The following DDC variants were observed in gnomAD, a reference collection of about 807,000 sequenced individuals.
DDC encodes the protein aromatic-L-amino-acid decarboxylase.
A neutral mutation model predicts 60.0 loss-of-function variants in DDC; 43 were observed. The ratio of observed to expected loss-of-function variants is 0.72; its 90% CI spans 0.56 to 0.92. The LOEUF is 0.92. DDC is among the 40% of genes least tolerant of loss of function. DDC has a pLI of 0.00. For missense variants in DDC, 573 were observed against 620.2 expected (o/e 0.92, Z 0.81); for synonymous variants, 232 against 234.6 (o/e 0.99, Z 0.10).
intron 14 of DDC, among the ~76,000 whole-genome samples, chr7:50,461,077 T>A (rs141902723): frequency 0.021 from 3,198 of 151,566 alleles, 124 homozygotes; most frequent in African/African-American, 0.071. Context: ...AAATAAAAAT[T>A]AAAAAAATAA....
intron 1 of DDC, among the ~76,000 whole-genome samples, chr7:50,548,761 A>G (rs1008444942): frequency 2.2e-4 from 33 of 152,216 alleles, no homozygotes; most frequent in Non-Finnish European, 3.7e-4. Flanking sequence ...GCTACGGTAA[A>G]CCATAGATTT....
intron 6 of DDC, among the ~76,000 whole-genome samples, chr7:50,516,227 T>G (rs2043724906): frequency 1.3e-5 from 2 of 152,128 alleles, no homozygotes; most frequent in African/African-American, 4.8e-5. Flanking sequence ...TATCAGGCAC[T>G]CTCTCAGACC....
intron 14 of DDC, among the ~76,000 whole-genome samples, chr7:50,460,960 A>T (rs922624805): frequency 6.6e-6 from 1 of 151,588 alleles, no homozygotes; most frequent in Non-Finnish European, 1.5e-5. Context: ...ACCTTTGTTC[A>T]CTTGTTTATC....
At position 50,551,227 on chromosome 7, in the gene DDC, T is replaced by C. The variant is rs569059114; in HGVS notation, c.-28-7114A>G. Among the ~76,000 whole-genome samples the C allele has an allele frequency of 1.8e-4, 26 of 145,098 alleles. 1 individual carries two copies. Among genetic ancestry groups the C allele is most frequent in the Middle Eastern group, 7.0e-3 (2 of 284 alleles). Reference sequence around the variant, plus strand: ...TTAACCAGCCTTAATGATTCCGTTGTACTTTTTTTTTTTTTTTTTTTGAGA... The same window carrying C: ...TTAACCAGCCTTAATGATTCCGTTGCACTTTTTTTTTTTTTTTTTTTGAGA... On this transcript the variant is annotated intron_variant, in intron 1 of 14. Coordinates refer to ENST00000444124, the MANE Select transcript of DDC (RefSeq NM_001082971.2).
intron 5 of DDC, 131 bp downstream of exon 5, chr7:50,529,077 G>A: frequency 8.3e-7 from 1 of 1,209,160 alleles, no homozygotes; most frequent in Non-Finnish European, 1.2e-6. Context: ...TGTAGTTCAG[G>A]TCTCTATTTA....
At chr7:50,496,504 G>C (rs2043130404) in intron 8 of DDC, among the ~76,000 whole-genome samples, 1 of 152,052 alleles carries the variant, frequency 6.6e-6, no homozygotes, top group Admixed American at 6.5e-5. Context: ...TCAGTGTTAG[G>C]GGCTACCTTA....
chr7:50,481,194 G>A (rs2042759111), intron 9 of DDC, among the ~76,000 whole-genome samples: 1 of 152,202 alleles, frequency 6.6e-6, no homozygotes, highest in Non-Finnish European at 1.5e-5. Context: ...TCTATAAATG[G>A]TCATTGAGCC....
intron 13 of DDC, 145 bp downstream of exon 13, chr7:50,467,069 G>A: frequency 1.2e-6 from 1 of 803,288 alleles, no homozygotes; most frequent in Non-Finnish European, 2.2e-6. Context: ...CATGGGGCAG[G>A]GCAGGCCGGT....
At chr7:50,469,673 T>C (rs1358072217) in intron 12 of DDC, among the ~76,000 whole-genome samples, 1 of 152,202 alleles carries the variant, frequency 6.6e-6, no homozygotes, top group Non-Finnish European at 1.5e-5. Context: ...TCTTGCCATG[T>C]ATTTGCTTAT....
At chr7:50,516,139 C>T (rs754792112) in intron 6 of DDC, among the ~76,000 whole-genome samples, 3 of 152,100 alleles carry the variant, frequency 2.0e-5, no homozygotes, top group African/African-American at 7.2e-5. Context: ...CGTTCAACAG[C>T]GCATGGAACT....
At position 50,463,239 on chromosome 7, in the gene DDC, T is replaced by C. The variant is rs200450773; in HGVS notation, c.1435A>G (p.Arg479Gly). 1.3e-4 allele frequency: 217 copies of C among 1,612,108 alleles called. No homozygotes were observed. The highest frequency in any genetic ancestry group is 1.7e-4 in the Admixed American group (10 of 59,722). Reference sequence around the variant, plus strand: ...TGCAGCTGGCTTCACTCCTACTCCCTCTCTGCTCGCAGCACGTCGGCCGCC... The same window carrying C: ...TGCAGCTGGCTTCACTCCTACTCCCCCTCTGCTCGCAGCACGTCGGCCGCC... Reference protein sequence around the residue: ...ELAADVLRAERE With the variant: ...ELAADVLRAEGE The change falls in exon 14 of 15, where the codon AGG becomes GGG. Residue 479 changes from arginine to glycine, a missense_variant. By Grantham distance (125) the Arg-to-Gly change is moderately radical (BLOSUM62 -2). Coordinates refer to ENST00000444124, the MANE Select transcript of DDC (RefSeq NM_001082971.2).
At chr7:50,488,579 A>AAGTATTCAGTAAATACACAAATT (rs1200652745) in intron 9 of DDC, among the ~76,000 whole-genome samples, 5 of 152,116 alleles carry the variant, frequency 3.3e-5, no homozygotes, top group African/African-American at 1.2e-4. Context: ...GTATTCAGTA[A>AAGTATTCAGTAAATACACAAATT]ATGGTTTGTG....
At chr7:50,541,551 C>A (rs1426245156) in intron 2 of DDC, 7 of 152,324 alleles carry the variant, frequency 4.6e-5, no homozygotes, top group African/African-American at 1.7e-4. Context: ...GGGATTAGTG[C>A]CCTCATAAGA....
intron 14 of DDC, among the ~76,000 whole-genome samples, chr7:50,461,504 G>A (rs1227738850): frequency 6.6e-6 from 1 of 152,116 alleles, no homozygotes; most frequent in Non-Finnish European, 1.5e-5. Flanking sequence ...GACTCCAGAG[G>A]AACTGAGACT....
At chr7:50,519,047 A>G (rs2043815948) in intron 6 of DDC, among the ~76,000 whole-genome samples, 1 of 152,254 alleles carries the variant, frequency 6.6e-6, no homozygotes, top group African/African-American at 2.4e-5. Flanking sequence ...CAGTAACACG[A>G]TAAACAAACA....
intron 6 of DDC, among the ~76,000 whole-genome samples, chr7:50,508,183 G>A (rs1430621764): frequency 6.6e-6 from 1 of 152,208 alleles, no homozygotes; most frequent in Non-Finnish European, 1.5e-5. Context: ...TGTCTACGTG[G>A]GGCTGAGCTA....
intron 12 of DDC, 36 bp from the exon 13 acceptor site, chr7:50,467,351 G>A (rs781005583): frequency 1.3e-6 from 2 of 1,557,860 alleles, no homozygotes; most frequent in Non-Finnish European, 1.8e-6. Context: ...TTTTTCTCAT[G>A]GCCATTTAAT....
At chr7:50,459,123 G>C (rs981957924) in intron 14 of DDC, among the ~76,000 whole-genome samples, 1 of 152,224 alleles carries the variant, frequency 6.6e-6, no homozygotes, top group Non-Finnish European at 1.5e-5. Context: ...CGCCTGACTG[G>C]TTTTCGTATT....
intron 9 of DDC, among the ~76,000 whole-genome samples, chr7:50,491,863 A>T (rs77956227): frequency 0.018 from 2,713 of 152,230 alleles, 87 homozygotes; most frequent in African/African-American, 0.061. Flanking sequence ...CCGGCCTCAA[A>T]ATCATCTTTG....
Sources: gnomAD v4.1 joint callset for allele counts (sites outside exome capture counted in the v4.1 genomes callset) on GRCh38, gnomAD v4.1.1 for gene constraint, MANE v1.5 for transcripts, NCBI Gene and HGNC (gene_info 2026-07-23, HGNC 2026-07-21) for gene names.